Variants in XRCC4 observed in about 807,000 individuals in gnomAD.
XRCC4 encodes DNA repair protein XRCC4.
In XRCC4, 28 loss-of-function variants were observed where a neutral mutation model predicts 39.1. The observed-to-expected ratio is 0.72, with a 90% confidence interval of 0.53 to 0.98. XRCC4 has a LOEUF of 0.98. Among genes scored for constraint, XRCC4 ranks in the 50% least tolerant of loss-of-function variants. The probability of loss-of-function intolerance (pLI) is 0.00; values close to 1 mark genes in which losing one functional copy is unlikely to be tolerated. For synonymous variants in XRCC4, 123 were observed against 126.4 expected (o/e 0.97, Z 0.18); for missense variants, 350 against 376.4 (o/e 0.93, Z 0.58).
intron 7 of XRCC4, among the ~76,000 whole-genome samples, chr5:83,259,838 A>T (rs539702294): frequency 2.6e-5 from 4 of 152,186 alleles, no homozygotes; most frequent in Non-Finnish European, 1.5e-5. Context: ...TTTTTAAAGT[A>T]TAAAGTATTC....
At chr5:83,227,558 A>AC (rs1752337452) in intron 6 of XRCC4, among the ~76,000 whole-genome samples, 1 of 151,842 alleles carries the variant, frequency 6.6e-6, no homozygotes. Flanking sequence ...GCTTCATGAA[A>AC]CCCATTTTCA....
At chr5:83,243,723 T>TA (rs1213747653) in intron 6 of XRCC4, among the ~76,000 whole-genome samples, 23 of 152,240 alleles carry the variant, frequency 1.5e-4, no homozygotes, top group Admixed American at 4.6e-4. Context: ...AGGAAAAAGA[T>TA]ACCAGAAGGG....
At chr5:83,369,279 G>T in the XRCC4 span, among the ~76,000 whole-genome samples, 1 of 152,130 alleles carries the variant, frequency 6.6e-6, no homozygotes, top group Non-Finnish European at 1.5e-5. Flanking sequence ...ATCAGAGGGC[G>T]CATGGGCAGG....
chr5:83,299,425 A>C (rs1158603004), intron 7 of XRCC4, among the ~76,000 whole-genome samples: 2 of 152,092 alleles, frequency 1.3e-5, no homozygotes, highest in Non-Finnish European at 2.9e-5. Flanking sequence ...TTTGAGGTGA[A>C]GGTTTGGTGA....
At chr5:83,137,493 T>C (rs373344783) in intron 3 of XRCC4, among the ~76,000 whole-genome samples, 145 of 152,300 alleles carry the variant, frequency 9.5e-4, no homozygotes, top group Middle Eastern at 6.8e-3. Flanking sequence ...TTTCAAAATA[T>C]TACTATTAAA....
rs368683205 is a variant in XRCC4 at position 83,344,540 on chromosome 5, G to A, written c.894-8591G>A. ...CCGCCTCAGCCTCCCAAAGTGTTAG[G>A]ATACAAGTGTGAGCCTTGCTCTTTT... On this transcript the variant is annotated intron_variant, in intron 7 of 7. Transcript: ENST00000396027. Among the ~76,000 whole-genome samples the A allele has an allele frequency of 1.8e-3, 274 of 150,622 alleles. 3 individuals carry two copies. In the Middle Eastern group the frequency reaches 0.042, roughly 23 times the overall value.
chr5:83,121,332 T>TTTA (rs1463144718), intron 3 of XRCC4, among the ~76,000 whole-genome samples: 2 of 152,178 alleles, frequency 1.3e-5, no homozygotes, highest in Non-Finnish European at 2.9e-5. Context: ...TAGGCATATG[T>TTTA]TTAGCTTTTT....
intron 3 of XRCC4, among the ~76,000 whole-genome samples, chr5:83,123,059 G>A (rs1747088214): frequency 6.6e-6 from 1 of 152,066 alleles, no homozygotes; most frequent in African/African-American, 2.4e-5. Flanking sequence ...AGATCAGGTT[G>A]GTTGGTGGTG....
chr5:83,303,461 G>A (rs1174339623), intron 7 of XRCC4, among the ~76,000 whole-genome samples: 1 of 152,050 alleles, frequency 6.6e-6, no homozygotes, highest in African/African-American at 2.4e-5. Flanking sequence ...AATGTTGGTT[G>A]GTGAATGAAT....
rs532505897 is a variant in XRCC4, at chr5:83,226,256, G to C, written c.745+21335G>C. Among the ~76,000 whole-genome samples the C allele has an allele frequency of 9.2e-5, 14 of 152,114 alleles. No homozygotes were observed. The South Asian group carries it at 2.9e-3, about 32-fold the overall frequency. On this transcript the variant is annotated intron_variant, in intron 6 of 7. Coordinates refer to ENST00000396027, the MANE Select transcript of XRCC4 (RefSeq NM_003401.5). ...TGTGAGTACAGACACTTTCTAGGCT[G>C]GCAGCAGTTTATTAATTGACTTTCC...
intron 3 of XRCC4, among the ~76,000 whole-genome samples, chr5:83,122,650 C>CT (rs1747065645): frequency 6.6e-6 from 1 of 152,008 alleles, no homozygotes; most frequent in Admixed American, 6.6e-5. Context: ...TAAAACTTTC[C>CT]TTTTTTCTGA....
chr5:83,269,034 A>G (rs1411841281), intron 7 of XRCC4, among the ~76,000 whole-genome samples: 1 of 152,200 alleles, frequency 6.6e-6, no homozygotes, highest in African/African-American at 2.4e-5. Flanking sequence ...CTCAACTGCT[A>G]TGTGGGCAAA....
At chr5:83,225,489 G>A (rs919444319) in intron 6 of XRCC4, among the ~76,000 whole-genome samples, 3 of 151,294 alleles carry the variant, frequency 2.0e-5, no homozygotes, top group Non-Finnish European at 2.9e-5. Flanking sequence ...TGTGTTCTCC[G>A]GTTATTTAGG....
intron 2 of XRCC4, among the ~76,000 whole-genome samples, chr5:83,105,489 A>G (rs1373814130): frequency 6.6e-6 from 1 of 152,146 alleles, no homozygotes; most frequent in African/African-American, 2.4e-5. Context: ...GTGAACATAT[A>G]TTACATTTGT....
At chr5:83,280,715 A>T in intron 7 of XRCC4, 1 of 202,912 alleles carries the variant, frequency 4.9e-6, no homozygotes, top group East Asian at 1.0e-4. Flanking sequence ...TCACTTAATT[A>T]CTTCCCCAAA....
chr5:83,266,933 A>C (rs982812871), intron 7 of XRCC4, among the ~76,000 whole-genome samples: 1 of 152,192 alleles, frequency 6.6e-6, no homozygotes, highest in Non-Finnish European at 1.5e-5. Context: ...TTGTGTATGA[A>C]TAGAACAATG....
At chr5:83,306,289 GA>G (rs1755484711) in intron 7 of XRCC4, among the ~76,000 whole-genome samples, 1 of 151,922 alleles carries the variant, frequency 6.6e-6, no homozygotes, top group Non-Finnish European at 1.5e-5. Flanking sequence ...GAGTAGTTAC[GA>G]AAAACCATAG....
intron 1 of XRCC4, among the ~76,000 whole-genome samples, chr5:83,085,453 A>G (rs1271023139): frequency 6.8e-6 from 1 of 145,986 alleles, no homozygotes; most frequent in East Asian, 1.9e-4. Context: ...GGGGCACTTA[A>G]AAAGTTAAAG....
intron 3 of XRCC4, among the ~76,000 whole-genome samples, chr5:83,116,391 C>A (rs2112423696): frequency 6.6e-6 from 1 of 152,136 alleles, no homozygotes; most frequent in South Asian, 2.1e-4. Flanking sequence ...GCCATCAGTT[C>A]AAGAAATTTT....
Sources: allele counts gnomAD v4.1 joint callset (sites outside exome capture counted in the v4.1 genomes callset), GRCh38; gene constraint gnomAD v4.1.1; transcripts MANE v1.5; gene names NCBI Gene and HGNC (gene_info 2026-07-23, HGNC 2026-07-21).